The following CHL1 variants were observed in gnomAD, a reference collection of about 807,000 sequenced individuals.
CHL1 encodes neural cell adhesion molecule L1-like protein.
In CHL1, 96 loss-of-function variants were observed where a neutral mutation model predicts 141.9. The observed-to-expected ratio is 0.68, with a 90% CI of 0.57 to 0.80. The LOEUF (loss-of-function observed/expected upper bound fraction) is 0.80, where lower values mean the gene tolerates loss of function less well. CHL1 is among the 30% of genes least tolerant of loss of function. CHL1 has a pLI of 0.00. For synonymous variants in CHL1, 613 were observed against 502.2 expected, an observed-to-expected ratio of 1.22 and a Z score of -2.95; for missense variants, 1,820 against 1,457.2, an observed-to-expected ratio of 1.25 and a Z score of -4.05.
intron 2 of CHL1, among the ~76,000 whole-genome samples, chr3:263,196 G>C (rs1048975096): frequency 1.3e-5 from 2 of 152,138 alleles, no homozygotes; most frequent in Non-Finnish European, 2.9e-5. Context: ...CCCAACTTCT[G>C]TCCACTCAAG....
At chr3:220,788 C>T (rs772259195) in intron 1 of CHL1, among the ~76,000 whole-genome samples, 3 of 152,180 alleles carry the variant, frequency 2.0e-5, no homozygotes, top group Non-Finnish European at 4.4e-5. Flanking sequence ...GAAATGAGAA[C>T]GCTCATGCTC....
intron 15 of CHL1, among the ~76,000 whole-genome samples, chr3:368,473 C>G (rs1053195573): frequency 1.3e-5 from 2 of 151,954 alleles, no homozygotes; most frequent in African/African-American, 4.8e-5. Flanking sequence ...GTTTAAGTTC[C>G]TTTTAAATTA....
intron 26 of CHL1, 113 bp downstream of exon 26, chr3:399,261 A>C (rs1708920297): frequency 1.2e-6 from 1 of 800,676 alleles, no homozygotes; most frequent in African/African-American, 1.7e-5. Flanking sequence ...TTATATTAGC[A>C]AGTTAGATGT....
intron 2 of CHL1, among the ~76,000 whole-genome samples, chr3:256,775 G>A (rs461010): frequency 0.13 from 19,625 of 152,200 alleles, 1,578 homozygotes; most frequent in East Asian, 0.38. Flanking sequence ...TTGTATTTCT[G>A]GCGCCTGGGA....
chr3:389,275 T>C lies in CHL1; in HGVS notation c.2271T>C (p.Asn757=). Residue 757 remains asparagine (N), a synonymous_variant, in exon 20 of 28, where the codon AAT becomes AAC. Transcript: ENST00000256509. The stretch of plus-strand genomic sequence containing the variant: ...AGCCTTTGAAATCCATGGAGCAGAA[T>C]GGACCAGGCCTAGAGTACAGAGTGA... ...KWEPLKSMEQ[N]GPGLEYRVTW... The C allele has an allele frequency of 1.2e-6, 2 of 1,611,582 alleles. No homozygotes were observed. The highest frequency in any genetic ancestry group is 2.2e-5 in the East Asian group (1 of 44,852).
rs758732539 is a variant in CHL1 at position 342,982 on chromosome 3, A to G, written c.680-2A>G. 4 of 1,605,854 alleles carry G rather than the reference A, an allele frequency of 2.5e-6. No homozygotes were observed. In the Admixed American group the frequency reaches 5.2e-5, roughly 21 times the overall value. ...TTTTTTCCTTCCGTTTTTTTATTTC[A>G]GTAAAGCATGCTAATGACTCAAGTT... On this transcript the variant is annotated splice_acceptor_variant, in intron 7 of 27. Transcript: ENST00000256509. LOFTEE classifies it high-confidence loss of function.
rs755920175 is a variant in CHL1 at position 383,893 on chromosome 3, A to G, written c.2247+7A>G. 2.5e-6 allele frequency: 4 copies of G among 1,591,012 alleles called. No homozygotes were observed. The Admixed American group carries it at 5.0e-5, about 20-fold the overall frequency. Reference sequence around the variant, plus strand: ...AATGATTATAAAGTGGGAGGTGTGTATTTCTTAATACGTTATGTATTTCTT... The same window carrying G: ...AATGATTATAAAGTGGGAGGTGTGTGTTTCTTAATACGTTATGTATTTCTT... On this transcript the variant is annotated splice_region_variant and intron_variant, in intron 19 of 27. Coordinates refer to ENST00000256509, the MANE Select transcript of CHL1 (RefSeq NM_006614.4).
intron 1 of CHL1, among the ~76,000 whole-genome samples, chr3:234,456 A>C (rs371561607): frequency 1.3e-5 from 2 of 152,258 alleles, no homozygotes; most frequent in East Asian, 3.9e-4. Flanking sequence ...TTACGTAGTT[A>C]TCAAGACTAA....
chr3:230,558 T>A (rs2125037915), intron 1 of CHL1, among the ~76,000 whole-genome samples: 1 of 152,238 alleles, frequency 6.6e-6, no homozygotes, highest in Middle Eastern at 3.4e-3. Flanking sequence ...AGGACTAGAA[T>A]TAGAATCACA....
intron 13 of CHL1, among the ~76,000 whole-genome samples, chr3:362,091 G>A (rs1704312803): frequency 6.6e-6 from 1 of 152,176 alleles, no homozygotes; most frequent in Admixed American, 6.6e-5. Flanking sequence ...TTTAAAGGTA[G>A]TTTTGGTTTT....
chr3:330,381 A>G (rs1701343024), intron 5 of CHL1, among the ~76,000 whole-genome samples: 1 of 152,136 alleles, frequency 6.6e-6, no homozygotes, highest in Non-Finnish European at 1.5e-5. Context: ...TTAGAAAAAC[A>G]TAAAGGATGA....
Position 245,989 on chromosome 3 carries a change from A to G in CHL1, c.-95+1297A>G, listed in dbSNP as rs975688552. ...GCATCTGAAAGTCTCTTGTAACATT[A>G]AAAATGGTTTGAAGTATATTCTAAT... On this transcript the variant is annotated intron_variant, in intron 2 of 27. Coordinates refer to ENST00000256509, the MANE Select transcript of CHL1 (RefSeq NM_006614.4). Among the ~76,000 whole-genome samples, 7 of 152,164 alleles carry G rather than the reference A, an allele frequency of 4.6e-5. 1 individual carries two copies. Among genetic ancestry groups the G allele is most frequent in the African/African-American group, 1.7e-4 (7 of 41,446 alleles).
intron 2 of CHL1, among the ~76,000 whole-genome samples, chr3:314,110 T>A (rs1289053491): frequency 6.6e-6 from 1 of 151,744 alleles, no homozygotes. Flanking sequence ...TTATTTTAGA[T>A]GTATGGCAGC....
At chr3:230,976 A>G (rs541486283) in intron 1 of CHL1, among the ~76,000 whole-genome samples, 1 of 152,312 alleles carries the variant, frequency 6.6e-6, no homozygotes, top group South Asian at 2.1e-4. Context: ...AGCTTTCCCC[A>G]GATGCTCACA....
chr3:395,977 T>C (rs1221613420), intron 24 of CHL1, among the ~76,000 whole-genome samples: 1 of 152,206 alleles, frequency 6.6e-6, no homozygotes, highest in African/African-American at 2.4e-5. Context: ...GGTTATGCTC[T>C]GACCTTTAAT....
chr3:261,460 A>G (rs1387524933), intron 2 of CHL1, among the ~76,000 whole-genome samples: 1 of 152,168 alleles, frequency 6.6e-6, no homozygotes, highest in Non-Finnish European at 1.5e-5. Flanking sequence ...GCCAGTTGCT[A>G]CTTAAAAGTA....
In CHL1 at chr3:197,074, G is replaced by A. The variant is rs1698389403; in HGVS notation, c.-175+11G>A. On this transcript the variant is annotated intron_variant, in intron 1 of 27. Transcript: ENST00000256509. ...TCGGAGGCGGCGCAGGTGTGTCAGGGGTGGGGGTCCGCTGGCATCTCTCGT... is the reference window on the plus strand; with the variant it reads ...TCGGAGGCGGCGCAGGTGTGTCAGGAGTGGGGGTCCGCTGGCATCTCTCGT... 6.6e-6 allele frequency: 1 copy of A among 152,522 alleles called. No homozygotes were observed. The highest frequency in any genetic ancestry group is 1.5e-5 in the Non-Finnish European group (1 of 68,314). The allele number at this position is 152,522 out of a possible 1,614,324, so 9.4% of individuals were successfully genotyped here. A position where few individuals can be genotyped will look rare whatever the true frequency, so the allele number is the denominator to read the frequency against.
intron 2 of CHL1, among the ~76,000 whole-genome samples, chr3:312,223 T>A (rs1033774690): frequency 4.5e-4 from 69 of 152,324 alleles, no homozygotes; most frequent in African/African-American, 1.6e-3. Flanking sequence ...ATCAATTTGC[T>A]TATAATAACA....
intron 5 of CHL1, among the ~76,000 whole-genome samples, chr3:329,204 C>G (rs1171851063): frequency 6.6e-6 from 1 of 151,994 alleles, no homozygotes; most frequent in Non-Finnish European, 1.5e-5. Flanking sequence ...TTAGCCAAAG[C>G]CTTTATAGAG....
Sources: allele counts gnomAD v4.1 joint callset (sites outside exome capture counted in the v4.1 genomes callset), GRCh38; gene constraint gnomAD v4.1.1; transcripts MANE v1.5; gene names NCBI Gene and HGNC (gene_info 2026-07-23, HGNC 2026-07-21).